Variants in ERFL observed in about 807,000 individuals in gnomAD.
ERFL encodes the protein ETS repressor factor like, also known as ETS domain-containing transcription factor ERF-like.
Under a neutral mutation model 27.9 loss-of-function variants are expected in ERFL, and 8 were observed. The ratio of observed to expected loss-of-function variants is 0.29; its 90% CI spans 0.17 to 0.52. ERFL has a LOEUF of 0.52. Ranked by LOEUF, ERFL falls within the 20% of genes least tolerant of loss-of-function variation. ERFL has a pLI of 0.97. For missense variants in ERFL, 294 were observed against 444.4 expected (o/e 0.66, Z 3.04); for synonymous variants, 174 against 202.8 (o/e 0.86, Z 1.21).
rs970840730 is a variant in ERFL, at chr19:41,921,973, C to T, written c.-14+6067G>A. Among the ~76,000 whole-genome samples the T allele has an allele frequency of 4.6e-5, 7 of 151,884 alleles. No homozygotes were observed. Among genetic ancestry groups the T allele is most frequent in the Admixed American group, 3.9e-4 (6 of 15,226 alleles). On this transcript the variant is annotated intron_variant, in intron 1 of 5. Transcript: ENST00000597630. This position sits in a 1 kb window ranked among gnomAD's most constrained non-coding sequence, Gnocchi z 4.4. ...TGGTCCTCATCCCCAACTCCCACCC[C>T]TTCCCCACCCTTGCCTTCATTCTAC...
chr19:41,907,858 G>T lies in ERFL; in HGVS notation c.*370C>A, dbSNP rs1366740954. 8.9e-5 allele frequency: 19 copies of T among 212,926 alleles called. 1 individual carries two copies. In the Middle Eastern group the frequency reaches 4.4e-3, roughly 50 times the overall value. 13.2% of individuals were successfully genotyped at this position (212,926 alleles called of 1,614,324 possible). A position where few individuals can be genotyped will look rare whatever the true frequency, so the allele number is the denominator to read the frequency against. On this transcript the variant is annotated 3_prime_UTR_variant, in exon 6 of 6. Transcript: ENST00000597630. ...TGTCCCCAGGGGGGCCTATATGGGGGGGGTGTCAGGACTGGGGCCAGCACA... is the reference window on the plus strand; with the variant it reads ...TGTCCCCAGGGGGGCCTATATGGGGTGGGTGTCAGGACTGGGGCCAGCACA...
Position 41,917,230 on chromosome 19 carries a change from TG to T in ERFL, c.-13-4299del, listed in dbSNP as rs2074806852. ...CTGTCTTTCTAAATATCTCCATCTC[TG>T]AGTGTCTCTGTTTCCCCCATCTCTC... On this transcript the variant is annotated intron_variant, in intron 1 of 5. Transcript: ENST00000597630. This position sits in a 1 kb window ranked among gnomAD's most constrained non-coding sequence, Gnocchi z 4.8. Among the ~76,000 whole-genome samples, 1 of 152,132 alleles carries T rather than the reference TG, an allele frequency of 6.6e-6. No homozygotes were observed.
At chr19:41,918,518 TCACA>T (rs1411197534) in intron 1 of ERFL, among the ~76,000 whole-genome samples, 13 of 103,428 alleles carry the variant, frequency 1.3e-4, no homozygotes, top group Admixed American at 1.8e-4. Context: ...ACCACACACA[TCACA>T]CACACACCAT....
Position 41,909,023 on chromosome 19 carries a change from C to A in ERFL, c.616+37G>T. ...TCCCTCAAGCCTGCAGCTTCTCCCACTGTGCCCCCAGCACCCCAGAACCTC... is the reference window on the plus strand; with the variant it reads ...TCCCTCAAGCCTGCAGCTTCTCCCAATGTGCCCCCAGCACCCCAGAACCTC... On this transcript the variant is annotated intron_variant, in intron 5 of 5. Coordinates refer to ENST00000597630, the MANE Select transcript of ERFL (RefSeq NM_001365103.2). This position sits in a 1 kb window ranked among gnomAD's most constrained non-coding sequence, Gnocchi z 5.2. The A allele has an allele frequency of 8.6e-7, 1 of 1,168,014 alleles. No individual in the cohort carries two copies. The highest frequency in any genetic ancestry group is 1.6e-5 in the African/African-American group (1 of 63,112). The allele number at this position is 1,168,014 out of a possible 1,614,324, so 72.4% of individuals were successfully genotyped here. A position where few individuals can be genotyped will look rare whatever the true frequency, so the allele number is the denominator to read the frequency against.
Position 41,909,895 on chromosome 19 carries a change from G to C in ERFL, c.270C>G (p.His90Gln), listed in dbSNP as rs1424527647. 3 of 1,613,418 alleles carry C rather than the reference G, an allele frequency of 1.9e-6. No homozygotes were observed. The highest frequency in any genetic ancestry group is 2.2e-5 in the East Asian group (1 of 44,860). ...RLWGIRKCKP[H>Q]MNYDKLSRAL... ...CCCGGCTCAGCTTGTCGTAATTCATGTGGGGCTTGCATTTGCGAATACCCC... is the reference window on the plus strand; with the variant it reads ...CCCGGCTCAGCTTGTCGTAATTCATCTGGGGCTTGCATTTGCGAATACCCC... The change falls in exon 3 of 6, where the codon CAC becomes CAG. Residue 90 changes from histidine (H) to glutamine (Q), a missense_variant. Coordinates refer to ENST00000597630, the MANE Select transcript of ERFL (RefSeq NM_001365103.2). This position sits in a 1 kb window ranked among gnomAD's most constrained non-coding sequence, Gnocchi z 5.2.
At chr19:41,926,877 C>T (rs191226404) in intron 1 of ERFL, among the ~76,000 whole-genome samples, 2 of 151,884 alleles carry the variant, frequency 1.3e-5, no homozygotes, top group African/African-American at 2.4e-5. Context: ...CGGAAACCAG[C>T]GAGGGGGAGA....
At chr19:41,923,057 C>A in intron 1 of ERFL, 1 of 431,966 alleles carries the variant, frequency 2.3e-6, no homozygotes, top group Non-Finnish European at 4.7e-6. Flanking sequence ...GGAAGTTCAG[C>A]GCCCCCTCTG....
chr19:41,916,209 C>T lies in ERFL; in HGVS notation c.-13-3277G>A, dbSNP rs755135249. On this transcript the variant is annotated intron_variant, in intron 1 of 5. Transcript: ENST00000597630. The surrounding 1 kb of genome is among the most constrained non-coding windows in gnomAD (Gnocchi z 5.4). ...ACCACGTCCCACACAGCACACATCG[C>T]ACAGATGCACACACCAGCACAGCCA... is the stretch of plus-strand genomic sequence containing the variant. 4.1e-4 allele frequency among the ~76,000 whole-genome samples: 63 copies of T among 152,006 alleles called. No individual in the cohort carries two copies. The highest frequency in any genetic ancestry group is 6.8e-3 in the Middle Eastern group (2 of 294).
rs1358414156 is a variant in ERFL, at chr19:41,916,054, G to A, written c.-13-3122C>T. Among the ~76,000 whole-genome samples the A allele has an allele frequency of 6.7e-6, 1 of 150,162 alleles. No individual in the cohort carries two copies. The highest frequency in any genetic ancestry group is 2.5e-5 in the African/African-American group (1 of 40,534). On this transcript the variant is annotated intron_variant, in intron 1 of 5. Coordinates refer to ENST00000597630, the MANE Select transcript of ERFL (RefSeq NM_001365103.2). This position sits in a 1 kb window ranked among gnomAD's most constrained non-coding sequence, Gnocchi z 5.4. ...CCCCATCTCTACCGCCCGCAGCCAT[G>A]GCACCGAATGTGTGTGCGCATGTGA...
In ERFL at chr19:41,912,312, T is replaced by TCA. The variant is rs141312505; in HGVS notation, c.67+539_67+540dup. Among the ~76,000 whole-genome samples, 31 of 151,576 alleles carry TCA rather than the reference T, an allele frequency of 2.0e-4. 1 individual carries two copies. In the South Asian group the frequency reaches 3.3e-3, roughly 16 times the overall value. ...CAAGGACAGAGTCTCTGTCTGTCTC[T>TCA]CACACACACACACACCCCTCCCGCT... is the stretch of plus-strand genomic sequence containing the variant. On this transcript the variant is annotated intron_variant, in intron 2 of 5. Transcript: ENST00000597630.
intron 1 of ERFL, among the ~76,000 whole-genome samples, chr19:41,915,202 C>T (rs1434685430): frequency 7.0e-6 from 1 of 142,560 alleles, no homozygotes; most frequent in African/African-American, 2.6e-5. Context: ...CTTTCAACTC[C>T]CCGCCGCCTC....
Position 41,912,895 on chromosome 19 carries a change from G to A in ERFL, c.25C>T (p.Leu9Phe). 8.1e-7 allele frequency: 1 copy of A among 1,231,720 alleles called. No individual in the cohort carries two copies. The highest frequency in any genetic ancestry group is 1.0e-6 in the Non-Finnish European group (1 of 987,984). The allele number at this position is 1,231,720 out of a possible 1,614,324, so 76.3% of individuals were successfully genotyped here. The part of the protein sequence containing the change: MDCSCVSD[L>F]LFAPPALPAL... Reference sequence around the variant, plus strand: ...GGCAGGGCGGGCGGGGCGAAGAGAAGGTCGGAGACGCAGCTACAGTCCATG... The same window carrying A: ...GGCAGGGCGGGCGGGGCGAAGAGAAAGTCGGAGACGCAGCTACAGTCCATG... Residue 9 changes from leucine (L) to phenylalanine (F), a missense_variant, in exon 2 of 6, where the codon CTT (leucine) becomes TTT (phenylalanine). Physicochemically the swap from Leu to Phe is conservative, Grantham distance 22. This residue lies in a region of ERFL where 38 missense variants were observed against 35.3 expected (regional missense o/e 1.08). Transcript: ENST00000597630.
At chr19:41,913,810 C>T (rs2074769113) in intron 1 of ERFL, among the ~76,000 whole-genome samples, 1 of 150,574 alleles carries the variant, frequency 6.6e-6, no homozygotes, top group African/African-American at 2.5e-5. Context: ...TCCACACACA[C>T]ACCCTTGCAA....
chr19:41,913,275 G>GCCCGCCCC (rs2074765185), intron 1 of ERFL, among the ~76,000 whole-genome samples: 1 of 46,406 alleles, frequency 2.2e-5, no homozygotes, highest in Non-Finnish European at 4.9e-5. Flanking sequence ...CCGCCCGCCC[G>GCCCGCCCC]CCCGCCGCTC....
chr19:41,909,854 C>T lies in ERFL; in HGVS notation c.302+9G>A, dbSNP rs2074742538. On this transcript the variant is annotated intron_variant, in intron 3 of 5. Coordinates refer to ENST00000597630, the MANE Select transcript of ERFL (RefSeq NM_001365103.2). The surrounding 1 kb of genome is among the most constrained non-coding windows in gnomAD (Gnocchi z 5.2). ...ACAAGGTGGGATCCAGCCCCAAGCC[C>T]TTCCTCACCGCAGGGCCCGGCTCAG... 1.2e-6 allele frequency: 2 copies of T among 1,602,750 alleles called. No individual in the cohort carries two copies. The highest frequency in any genetic ancestry group is 1.7e-5 in the Admixed American group (1 of 58,990).
rs1363703219 is a variant in ERFL at position 41,921,797 on chromosome 19, C to T, written c.-14+6243G>A. 1.3e-5 allele frequency among the ~76,000 whole-genome samples: 2 copies of T among 151,964 alleles called. No individual in the cohort carries two copies. Among genetic ancestry groups the T allele is most frequent in the Non-Finnish European group, 2.9e-5 (2 of 67,968 alleles). On this transcript the variant is annotated intron_variant, in intron 1 of 5. Coordinates refer to ENST00000597630, the MANE Select transcript of ERFL (RefSeq NM_001365103.2). This position sits in a 1 kb window ranked among gnomAD's most constrained non-coding sequence, Gnocchi z 4.4. ...TAAGGTGTGGATTCCTCGTCCTCCG[C>T]CCCACCTCGCCCTTCTTCAGTCCTA...
chr19:41,919,075 C>T (rs2074821818), intron 1 of ERFL, among the ~76,000 whole-genome samples: 1 of 151,488 alleles, frequency 6.6e-6, no homozygotes, highest in Non-Finnish European at 1.5e-5. Flanking sequence ...CACACCCACA[C>T]ACATTACACC....
chr19:41,924,025 C>A, intron 1 of ERFL, among the ~76,000 whole-genome samples: 1 of 31,902 alleles, frequency 3.1e-5, no homozygotes, highest in South Asian at 1.1e-3. Flanking sequence ...GGTGGGGGTG[C>A]TCTGGGAGGG....
In ERFL at chr19:41,909,729, G is replaced by C. The variant is rs1466513164; in HGVS notation, c.302+134C>G. 4 of 1,036,596 alleles carry C rather than the reference G, an allele frequency of 3.9e-6. No individual in the cohort carries two copies. In the East Asian group the frequency reaches 1.1e-4, roughly 27 times the overall value. 64.2% of individuals were successfully genotyped at this position (1,036,596 alleles called of 1,614,324 possible). A position where few individuals can be genotyped will look rare whatever the true frequency, so the allele number is the denominator to read the frequency against. ...CGCCTCCCTTCCACTCACAAGTAGC[G>C]ATGGTGGCTACTCACGCACAGCCCT... On this transcript the variant is annotated intron_variant, in intron 3 of 5. Coordinates refer to ENST00000597630, the MANE Select transcript of ERFL (RefSeq NM_001365103.2). The surrounding 1 kb of genome is among the most constrained non-coding windows in gnomAD (Gnocchi z 5.2).
Sources: gnomAD v4.1 joint callset for allele counts (sites outside exome capture counted in the v4.1 genomes callset) on GRCh38, gnomAD v4.1.1 for gene constraint, gnomAD v4.1.1 regional missense constraint, Gnocchi (gnomAD v3.1) non-coding constraint, MANE v1.5 for transcripts, NCBI Gene and HGNC (gene_info 2026-07-23, HGNC 2026-07-21) for gene names.